CCDC125: variants seen among roughly 807,000 people sequenced by gnomAD.
The protein encoded by CCDC125 is coiled-coil domain-containing protein 125.
CCDC125 carries 43 observed loss-of-function variants against 57.4 expected under a neutral mutation model. That is an observed-to-expected ratio of 0.75 (90% confidence interval 0.59 to 0.97). The LOEUF (loss-of-function observed/expected upper bound fraction) is 0.97, where lower values mean the gene tolerates loss of function less well. Among genes scored for constraint, CCDC125 ranks in the 50% least tolerant of loss-of-function variants. The probability of loss-of-function intolerance (pLI) is 0.00; values close to 1 mark genes in which losing one functional copy is unlikely to be tolerated. For missense variants in CCDC125, 563 were observed against 595.7 expected (o/e 0.95, Z 0.57); for synonymous variants, 187 against 195.2 (o/e 0.96, Z 0.35).
intron 8 of CCDC125, among the ~76,000 whole-genome samples, chr5:69,297,164 CA>C (rs945593161): frequency 1.3e-5 from 2 of 152,002 alleles, no homozygotes; most frequent in Admixed American, 6.6e-5. Context: ...CTCCCAAGTT[CA>C]AACTGAGATT....
chr5:69,299,862 A>C, intron 8 of CCDC125, 150 bp downstream of exon 8: 1 of 660,498 alleles, frequency 1.5e-6, no homozygotes, highest in South Asian at 1.8e-5. Flanking sequence ...CAGAACTGGA[A>C]GAACCAACCT....
At chr5:69,307,761 T>A in intron 5 of CCDC125, 190 bp downstream of exon 5, 1 of 542,568 alleles carries the variant, frequency 1.8e-6, no homozygotes, top group Non-Finnish European at 3.3e-6. Context: ...GAAATAAAAA[T>A]AACCTGAATT....
At chr5:69,277,072 C>T (rs1310051627), downstream of CCDC125, 3 of 1,555,978 alleles carry the variant, frequency 1.9e-6, no homozygotes, top group African/African-American at 4.1e-5. Flanking sequence ...TAAATGTGAA[C>T]AACTTTTTTT....
At chr5:69,278,170 C>CGGGA (rs1752297051), downstream of CCDC125, among the ~76,000 whole-genome samples, 8 of 152,118 alleles carry the variant, frequency 5.3e-5, no homozygotes, top group East Asian at 1.5e-3. Flanking sequence ...GCATGAGCCA[C>CGGGA]TACACCTGGC....
At chr5:69,306,674 C>A in intron 6 of CCDC125, 143 bp downstream of exon 6, 1 of 985,962 alleles carries the variant, frequency 1.0e-6, no homozygotes, top group Non-Finnish European at 1.3e-6. Flanking sequence ...TTAACACTAA[C>A]AAAAATATGC....
At chr5:69,320,200 C>A (rs1227245884) in intron 2 of CCDC125, 37 bp downstream of exon 2, 4 of 1,540,592 alleles carry the variant, frequency 2.6e-6, no homozygotes, top group Non-Finnish European at 3.6e-6. Context: ...ATACTATGCA[C>A]AGGAGAAAGA....
At chr5:69,311,420 G>A (rs1336301169) in intron 3 of CCDC125, among the ~76,000 whole-genome samples, 2 of 152,262 alleles carry the variant, frequency 1.3e-5, no homozygotes, top group African/African-American at 2.4e-5. Context: ...GGAGGCCAAG[G>A]TGGGTGGATC....
At chr5:69,286,820 G>A (rs780382601) in intron 10 of CCDC125, among the ~76,000 whole-genome samples, 2 of 152,036 alleles carry the variant, frequency 1.3e-5, no homozygotes, top group African/African-American at 2.4e-5. Context: ...CCACAGTGAC[G>A]AGGGCGGCCC....
intron 2 of CCDC125, among the ~76,000 whole-genome samples, chr5:69,315,793 A>C (rs1271297323): frequency 5.9e-5 from 9 of 151,344 alleles, no homozygotes; most frequent in Middle Eastern, 3.4e-3. Context: ...CCAAAAAAAA[A>C]CCTAAATTTA....
Position 69,300,018 on chromosome 5 carries a change from A to G in CCDC125, c.810T>C (p.Gly270=). 1 of 1,612,754 alleles carries G rather than the reference A, an allele frequency of 6.2e-7. No homozygotes were observed. Among genetic ancestry groups the G allele is most frequent in the African/African-American group, 1.3e-5 (1 of 74,978 alleles). The change falls in exon 8 of 12, where the codon GGT becomes GGC. Residue 270 remains glycine, a synonymous_variant. Coordinates refer to ENST00000396496, the MANE Select transcript of CCDC125 (RefSeq NM_176816.5). ...TTCCTGCATGCTTACCTACCTCAAGACCTGAAGCCTCTGCAAAGCCACTTT... is the reference window on the plus strand; with the variant it reads ...TTCCTGCATGCTTACCTACCTCAAGGCCTGAAGCCTCTGCAAAGCCACTTT... ...CDKSGFAEAS[G]LELAVLGACL...
intron 10 of CCDC125, among the ~76,000 whole-genome samples, chr5:69,288,251 C>T (rs1753832066): frequency 6.6e-6 from 1 of 152,110 alleles, no homozygotes; most frequent in Non-Finnish European, 1.5e-5. Context: ...TCTTGATGGG[C>T]TCCTGGATAG....
At chr5:69,310,980 T>C (rs1215142263) in intron 4 of CCDC125, 138 bp downstream of exon 4, 5 of 493,398 alleles carry the variant, frequency 1.0e-5, no homozygotes, top group Non-Finnish European at 1.8e-5. Context: ...ATATAAATTA[T>C]AAAGCTCTTA....
rs1162150279 is a variant in CCDC125, at chr5:69,299,952, GAGAA to G, written c.816+56_816+59del. 30 of 1,269,802 alleles carry G rather than the reference GAGAA, an allele frequency of 2.4e-5. No individual in the cohort carries two copies. The African/African-American group carries it at 2.9e-4, about 12-fold the overall frequency. The allele number at this position is 1,269,802 out of a possible 1,614,324, so 78.7% of individuals were successfully genotyped here. On this transcript the variant is annotated intron_variant, in intron 8 of 11. Coordinates refer to ENST00000396496, the MANE Select transcript of CCDC125 (RefSeq NM_176816.5). ...TACAATGTGTACACAAGGGCAATGG[GAGAA>G]AGAAAGGAAAGTAGCAAATGTCCCT...
chr5:69,282,652 C>A lies in CCDC125; in HGVS notation c.*77G>T. 1 of 1,255,044 alleles carries A rather than the reference C, an allele frequency of 8.0e-7. No individual in the cohort carries two copies. The allele number at this position is 1,255,044 out of a possible 1,614,324, so 77.7% of individuals were successfully genotyped here. ...AGGAAACATACAACTTCTCAAGATG[C>A]AGCAAAATTTACAAAATCATTTTTC... On this transcript the variant is annotated 3_prime_UTR_variant, in exon 12 of 12. Transcript: ENST00000396496.
intron 1 of CCDC125, among the ~76,000 whole-genome samples, chr5:69,330,880 A>G (rs186222843): frequency 1.6e-4 from 24 of 152,200 alleles, no homozygotes; most frequent in Admixed American, 1.2e-3. Context: ...CTTCAAGCCA[A>G]CCTACATACT....
rs1468295387 is a variant in CCDC125, at chr5:69,282,925, G to A, written c.1340C>T (p.Pro447Leu). 1.9e-6 allele frequency: 3 copies of A among 1,613,992 alleles called. No individual in the cohort carries two copies. Among genetic ancestry groups the A allele is most frequent in the Non-Finnish European group, 2.5e-6 (3 of 1,180,000 alleles). ...TASNENKEKN[P>L]IKENFPFNNP... ...GTTGAAAGGGAAATTCTCTTTTATA[G>A]GATTTTTTTCTTTATTCTCGTTTGA... Residue 447 changes from proline (P) to leucine (L), a missense_variant, in exon 12 of 12, where the codon CCT (proline) becomes CTT (leucine). Physicochemically the swap from Pro to Leu is moderately conservative, Grantham distance 98. Transcript: ENST00000396496.
chr5:69,328,260 A>G (rs1760976314), intron 1 of CCDC125, among the ~76,000 whole-genome samples: 1 of 152,180 alleles, frequency 6.6e-6, no homozygotes, highest in African/African-American at 2.4e-5. Flanking sequence ...TGTTCAATGC[A>G]TTCAGCAATT....
At chr5:69,286,211 T>G (rs1318360381) in intron 10 of CCDC125, among the ~76,000 whole-genome samples, 1 of 121,444 alleles carries the variant, frequency 8.2e-6, no homozygotes, top group African/African-American at 3.1e-5. Flanking sequence ...TATATATATA[T>G]ATATATATAT....
downstream of CCDC125, chr5:69,276,695 G>GGCCTTTTTTAAAAGAA (rs773583261): frequency 7.5e-6 from 12 of 1,607,594 alleles, no homozygotes; most frequent in Non-Finnish European, 1.0e-5. Flanking sequence ...AACAAGGTAA[G>GGCCTTTTTTAAAAGAA]ATTCCCACTT....
Sources: allele counts gnomAD v4.1 joint callset (sites outside exome capture counted in the v4.1 genomes callset), GRCh38; gene constraint gnomAD v4.1.1; transcripts MANE v1.5; gene names NCBI Gene and HGNC (gene_info 2026-07-23, HGNC 2026-07-21).